The following SNX15 variants were observed in gnomAD, a reference collection of about 807,000 sequenced individuals.
SNX15 encodes sorting nexin 15, also known as sorting nexin-15.
SNX15 carries 29 observed loss-of-function variants against 35.2 expected under a neutral mutation model. The ratio of observed to expected loss-of-function variants is 0.82; its 90% CI spans 0.61 to 1.12. The LOEUF (loss-of-function observed/expected upper bound fraction) is 1.12, where lower values mean the gene tolerates loss of function less well. Among genes scored for constraint, SNX15 ranks in the 50% most tolerant of loss-of-function variants. The pLI, the probability that SNX15 is intolerant of heterozygous loss-of-function variation, is 0.00. For synonymous variants in SNX15, 189 were observed against 188.2 expected, an observed-to-expected ratio of 1.00 and a Z score of -0.03; for missense variants, 400 against 451.5, an observed-to-expected ratio of 0.89 and a Z score of 1.03.
At chr11:65,036,088 G>C (rs1441650862) in intron 6 of SNX15, 1 of 158,174 alleles carries the variant, frequency 6.3e-6, no homozygotes, top group Admixed American at 6.4e-5. Flanking sequence ...AGCTCAAAGG[G>C]CAGCTGCAAA....
chr11:65,029,128 A>AATAAATAG (rs1946410102), intron 1 of SNX15, among the ~76,000 whole-genome samples: 1 of 142,782 alleles, frequency 7.0e-6, no homozygotes, highest in African/African-American at 2.6e-5. Context: ...TAAATAAATA[A>AATAAATAG]AAATAAGTCT....
At chr11:65,035,394 C>T in intron 5 of SNX15, 126 bp from the exon 6 acceptor site, 4 of 1,300,768 alleles carry the variant, frequency 3.1e-6, no homozygotes, top group Non-Finnish European at 4.2e-6. Context: ...GTAAAATGAG[C>T]ACAAACCCTA....
chr11:65,032,292 G>A (rs1343718914), intron 2 of SNX15, 89 bp downstream of exon 2: 3 of 1,570,418 alleles, frequency 1.9e-6, no homozygotes, highest in Non-Finnish European at 1.8e-6. Flanking sequence ...TTGGACATCG[G>A]CCCTCCTTCC....
rs962284838 is a variant in SNX15, at chr11:65,034,877, G to A, written c.287G>A (p.Arg96Gln). Residue 96 changes from arginine to glutamine, a missense_variant, in exon 4 of 8, where the codon CGG becomes CAG. Coordinates refer to ENST00000377244, the MANE Select transcript of SNX15 (RefSeq NM_013306.5). Reference protein sequence around the residue: ...GRFEASVIEERRKGAEDLLRF... With the variant: ...GRFEASVIEEQRKGAEDLLRF... ...TTTGAAGCCTCAGTGATCGAGGAGC[G>A]GCGAAAGGGGGCAGAGGACCTGCTT... 8.7e-6 allele frequency: 14 copies of A among 1,613,868 alleles called. No homozygotes were observed. The highest frequency in any genetic ancestry group is 2.2e-5 in the East Asian group (1 of 44,892).
At chr11:65,033,816 C>CTGAG (rs1946468865) in intron 3 of SNX15, among the ~76,000 whole-genome samples, 1 of 151,966 alleles carries the variant, frequency 6.6e-6, no homozygotes, top group South Asian at 2.1e-4. Flanking sequence ...GATTCTCCTG[C>CTGAG]CTCAGCCTCC....
rs201370126 is a variant in SNX15, at chr11:65,035,028, A to C, written c.373-31A>C. ...CCCACCCACCAGATTGCACCCCATG[A>C]CTCCCCATGTCTGATCTTTCTGTCC... On this transcript the variant is annotated intron_variant, in intron 4 of 7. Coordinates refer to ENST00000377244, the MANE Select transcript of SNX15 (RefSeq NM_013306.5). 4 of 1,613,148 alleles carry C rather than the reference A, an allele frequency of 2.5e-6. No homozygotes were observed. The African/African-American group carries it at 4.0e-5, about 16-fold the overall frequency.
chr11:65,027,950 T>G (rs1946393760), intron 1 of SNX15, among the ~76,000 whole-genome samples: 1 of 152,258 alleles, frequency 6.6e-6, no homozygotes, highest in Non-Finnish European at 1.5e-5. Flanking sequence ...AAACTCTGGT[T>G]TAATCCAAAT....
chr11:65,034,877 G>T lies in SNX15; in HGVS notation c.287G>T (p.Arg96Leu), dbSNP rs962284838. 1 of 1,613,868 alleles carries T rather than the reference G, an allele frequency of 6.2e-7. No homozygotes were observed. The part of the protein sequence containing the change: ...GRFEASVIEE[R>L]RKGAEDLLRF... ...TTTGAAGCCTCAGTGATCGAGGAGC[G>T]GCGAAAGGGGGCAGAGGACCTGCTT... Residue 96 changes from arginine to leucine, a missense_variant, in exon 4 of 8, where the codon CGG becomes CTG. Transcript: ENST00000377244.
intron 3 of SNX15, 83 bp from the exon 4 acceptor site, chr11:65,034,764 C>T (rs934247183): frequency 5.0e-6 from 5 of 1,006,920 alleles, no homozygotes; most frequent in Non-Finnish European, 7.6e-6. Context: ...GCATCTCAGG[C>T]AGGACCAGGA....
intron 3 of SNX15, 23 bp downstream of exon 3, chr11:65,032,574 C>T (rs376109329): frequency 4.0e-5 from 65 of 1,613,604 alleles, no homozygotes; most frequent in African/African-American, 3.6e-4. Context: ...TTGGGGCACT[C>T]GGGCCAAAGA....
At chr11:65,039,001 CT>C in intron 7 of SNX15, among the ~76,000 whole-genome samples, 172 bp downstream of exon 7, 1 of 139,862 alleles carries the variant, frequency 7.1e-6, no homozygotes, top group South Asian at 2.2e-4. Flanking sequence ...TGTTTTTAAC[CT>C]CTTGTGGCCT....
intron 7 of SNX15, among the ~76,000 whole-genome samples, 200 bp downstream of exon 7, chr11:65,039,029 C>CTTTTTTTTTTTTTTTTCTTTTTT (rs1946538489): frequency 1.4e-5 from 1 of 72,528 alleles, no homozygotes; most frequent in Non-Finnish European, 3.1e-5. Context: ...TCTTCTTCCT[C>CTTTTTTTTTTTTTTTTCTTTTTT]TTTTTTTTTT....
chr11:65,039,027 C>CCCTTTTTTTTTTTTTTTTTTTTTTT (rs1946537588), intron 7 of SNX15, among the ~76,000 whole-genome samples, 198 bp downstream of exon 7: 1 of 67,774 alleles, frequency 1.5e-5, no homozygotes, highest in South Asian at 4.5e-4. Flanking sequence ...TTTCTTCTTC[C>CCCTTTTTTTTTTTTTTTTTTTTTTT]TCTTTTTTTT....
chr11:65,031,819 C>T (rs1946442522), intron 1 of SNX15, among the ~76,000 whole-genome samples: 1 of 152,080 alleles, frequency 6.6e-6, no homozygotes, highest in African/African-American at 2.4e-5. Flanking sequence ...ATCGCTTGAA[C>T]CCTGAAGGCA....
At chr11:65,035,734 C>T (rs561524) in intron 6 of SNX15, 71 bp downstream of exon 6, 144,110 of 1,495,730 alleles carry the variant, frequency 0.096, 8,662 homozygotes, top group African/African-American at 0.23. Flanking sequence ...GGCAGAGCCC[C>T]ACTAGCCTGC....
rs1004024423 is a variant in SNX15, at chr11:65,032,221, A to G, written c.135+18A>G. On this transcript the variant is annotated intron_variant, in intron 2 of 7. Transcript: ENST00000377244. The stretch of plus-strand genomic sequence containing the variant: ...TCAAAGAGGTGAGGCTCCTGGGAGG[A>G]AGAGGGACTGTTCTGCAGTTCCAGA... 1 of 1,612,774 alleles carries G rather than the reference A, an allele frequency of 6.2e-7. No individual in the cohort carries two copies. The highest frequency in any genetic ancestry group is 1.3e-5 in the African/African-American group (1 of 74,888).
chr11:65,031,666 G>A (rs912068998), intron 1 of SNX15, among the ~76,000 whole-genome samples: 34 of 152,360 alleles, frequency 2.2e-4, no homozygotes, highest in African/African-American at 8.2e-4. Context: ...CACTTTGGGA[G>A]GCTGAGGCGG....
intron 6 of SNX15, chr11:65,036,311 G>T (rs1469215392): frequency 6.6e-6 from 1 of 152,268 alleles, no homozygotes; most frequent in African/African-American, 2.4e-5. Context: ...ACTTTGGGAG[G>T]CTGAGGCAGG....
chr11:65,029,977 TC>T (rs1264524749), intron 1 of SNX15, among the ~76,000 whole-genome samples: 6 of 152,098 alleles, frequency 3.9e-5, no homozygotes, highest in Non-Finnish European at 8.8e-5. Flanking sequence ...AGCCTCAAGT[TC>T]CTGCATTCAA....
Sources: allele counts gnomAD v4.1 joint callset (sites outside exome capture counted in the v4.1 genomes callset), GRCh38; gene constraint gnomAD v4.1.1; transcripts MANE v1.5; gene names NCBI Gene and HGNC (gene_info 2026-07-23, HGNC 2026-07-21).